Variants in ABCA5 observed in about 807,000 individuals in gnomAD.
ABCA5 encodes ATP binding cassette subfamily A member 5, also known as cholesterol transporter ABCA5.
Under a neutral mutation model 206.0 loss-of-function variants are expected in ABCA5, and 163 were observed. The ratio of observed to expected loss-of-function variants is 0.79; its 90% CI spans 0.70 to 0.90. The LOEUF (loss-of-function observed/expected upper bound fraction) is 0.90. Among genes scored for constraint, ABCA5 ranks in the 40% least tolerant of loss-of-function variants. The pLI is 0.00. For synonymous variants in ABCA5, 609 were observed against 613.8 expected, an observed-to-expected ratio of 0.99 and a Z score of 0.11; for missense variants, 1,859 against 1,912.9, an observed-to-expected ratio of 0.97 and a Z score of 0.53.
intron 1 of ABCA5, chr17:69,318,764 A>C: frequency 1.5e-6 from 1 of 670,510 alleles, no homozygotes; most frequent in African/African-American, 1.8e-5. Context: ...GAGTTGAAAA[A>C]ATTGATGGAC....
intron 1 of ABCA5, among the ~76,000 whole-genome samples, chr17:69,324,442 C>G (rs942535256): frequency 1.3e-5 from 2 of 152,180 alleles, no homozygotes; most frequent in Non-Finnish European, 2.9e-5. Context: ...CTAGATAACA[C>G]GGTAAAGGCA....
intron 18 of ABCA5, among the ~76,000 whole-genome samples, chr17:69,281,023 A>G (rs2075386126): frequency 6.6e-6 from 1 of 151,410 alleles, no homozygotes; most frequent in African/African-American, 2.4e-5. Flanking sequence ...TCTAAAACTT[A>G]AAGTATAATA....
chr17:69,248,439 C>A, intron 37 of ABCA5, 122 bp from the exon 38 acceptor site: 1 of 580,096 alleles, frequency 1.7e-6, no homozygotes, highest in Non-Finnish European at 3.1e-6. Context: ...TTTGAAGCTG[C>A]CAAAACATGT....
intron 18 of ABCA5, among the ~76,000 whole-genome samples, chr17:69,281,367 A>C (rs956196202): frequency 6.6e-6 from 1 of 152,030 alleles, no homozygotes; most frequent in Non-Finnish European, 1.5e-5. Context: ...ATTAAAACAA[A>C]TTTGGGAGAC....
rs575990390 is a variant in ABCA5 at position 69,281,047 on chromosome 17, A to T, written c.2392+2906T>A. On this transcript the variant is annotated intron_variant, in intron 18 of 38. Transcript: ENST00000392676. The stretch of plus-strand genomic sequence containing the variant: ...TAAAGTATAATAATAAAAAAAAATA[A>T]AAATAAATAAATAAAAAAATAAAAT... Among the ~76,000 whole-genome samples, 1,147 of 140,930 alleles carry T rather than the reference A, an allele frequency of 8.1e-3. 14 individuals are homozygous for T. Among genetic ancestry groups the T allele is most frequent in the African/African-American group, 0.022 (893 of 40,736 alleles). 92.5% of individuals were successfully genotyped at this position (140,930 alleles called of 152,430 possible).
chr17:69,296,112 G>T (rs2075581125), intron 10 of ABCA5, among the ~76,000 whole-genome samples: 1 of 151,946 alleles, frequency 6.6e-6, no homozygotes, highest in Admixed American at 6.6e-5. Flanking sequence ...TCAGTGAAGG[G>T]GGATATAAAC....
At chr17:69,279,322 C>G (rs1006921788) in intron 18 of ABCA5, among the ~76,000 whole-genome samples, 3 of 152,068 alleles carry the variant, frequency 2.0e-5, no homozygotes, top group Non-Finnish European at 2.9e-5. Context: ...ATCCAACTTA[C>G]GAGGGATGTG....
intron 18 of ABCA5, among the ~76,000 whole-genome samples, chr17:69,279,196 T>A (rs1376849107): frequency 2.6e-5 from 4 of 152,200 alleles, no homozygotes; most frequent in African/African-American, 9.6e-5. Flanking sequence ...AGTCTCAGGA[T>A]ACAAAATCAA....
chr17:69,294,778 C>A, intron 10 of ABCA5, 65 bp from the exon 11 acceptor site: 2 of 1,051,680 alleles, frequency 1.9e-6, no homozygotes, highest in South Asian at 1.6e-5. Context: ...GTTTATTTAC[C>A]ATGCATATTT....
At chr17:69,288,476 A>C (rs1057026967) in intron 14 of ABCA5, among the ~76,000 whole-genome samples, 9 of 152,164 alleles carry the variant, frequency 5.9e-5, no homozygotes, top group Admixed American at 4.6e-4. Flanking sequence ...AATATTTTTT[A>C]AACTATAGAG....
In ABCA5 at chr17:69,264,852, C is replaced by T; in HGVS notation, c.3198G>A (p.Trp1066Ter). Residue 1066 changes from tryptophan (W) to a stop codon, truncating the protein, a stop_gained, in exon 24 of 39, where the codon TGG becomes TGA. Coordinates refer to ENST00000392676, the MANE Select transcript of ABCA5 (RefSeq NM_172232.4). LOFTEE classifies it high-confidence loss of function. ...KLSGLLPSAY[W>*]IGQAVVDIPL... is the part of the protein sequence containing the mutation. ...GGATATCAACAACAGCTTGTCCAAT[C>T]CAATATGCAGATGGCAAAAGACCTG... 1 of 1,587,616 alleles carries T rather than the reference C, an allele frequency of 6.3e-7. No individual in the cohort carries two copies. The highest frequency in any genetic ancestry group is 8.6e-7 in the Non-Finnish European group (1 of 1,168,146).
rs144975147 is a variant in ABCA5 at position 69,254,337 on chromosome 17, C to T, written c.4222G>A (p.Asp1408Asn). Reference protein sequence around the residue: ...YGAVKGMSASDMKEVISRITH... With the variant: ...YGAVKGMSASNMKEVISRITH... The stretch of plus-strand genomic sequence containing the variant: ...TACCGACTTATGACTTCTTTCATGT[C>T]ACTTGCACTCATTCCTTTGACAGCT... Residue 1408 changes from aspartate (D) to asparagine (N), a missense_variant, in exon 32 of 39, where the codon GAC becomes AAC. Physicochemically the swap from Asp to Asn is conservative, Grantham distance 23. Coordinates refer to ENST00000392676, the MANE Select transcript of ABCA5 (RefSeq NM_172232.4). 1.9e-6 allele frequency: 3 copies of T among 1,612,318 alleles called. No homozygotes were observed. The African/African-American group carries it at 4.0e-5, about 22-fold the overall frequency.
chr17:69,273,440 T>TAAC (rs1337729480), intron 20 of ABCA5, among the ~76,000 whole-genome samples: 1 of 143,240 alleles, frequency 7.0e-6, no homozygotes, highest in Non-Finnish European at 1.5e-5. Context: ...AGTATAAATT[T>TAAC]TTTTAACTAT....
rs1388997266 is a variant in ABCA5, at chr17:69,277,767, A to C, written c.2468T>G (p.Leu823Ter). The C allele has an allele frequency of 1.2e-6, 2 of 1,606,228 alleles. No homozygotes were observed. The highest frequency in any genetic ancestry group is 1.7e-6 in the Non-Finnish European group (2 of 1,177,460). ...SKSFDEMEQS[L>*]LILSETKAAL... ...AGCCTTGGTTTCAGAAAGAATAAGTAAGCTCTGTTCCATTTCATCAAAAGA... is the reference window on the plus strand; with the variant it reads ...AGCCTTGGTTTCAGAAAGAATAAGTCAGCTCTGTTCCATTTCATCAAAAGA... Residue 823 changes from leucine to a stop codon, truncating the protein, a stop_gained, in exon 19 of 39, where the codon TTA (leucine) becomes TGA (stop). Transcript: ENST00000392676. LOFTEE classifies it high-confidence loss of function.
chr17:69,318,642 A>C (rs1219864323), intron 1 of ABCA5: 9 of 347,828 alleles, frequency 2.6e-5, no homozygotes, highest in Non-Finnish European at 4.7e-5. Context: ...AAAAACAGCA[A>C]AACAAAAGCA....
chr17:69,281,830 T>C (rs1331847064), intron 18 of ABCA5, among the ~76,000 whole-genome samples: 1 of 152,220 alleles, frequency 6.6e-6, no homozygotes, highest in African/African-American at 2.4e-5. Context: ...TTCATGATGA[T>C]ATATTCAGCT....
chr17:69,264,654 T>C (rs1444977220), intron 24 of ABCA5, 81 bp downstream of exon 24: 2 of 1,009,970 alleles, frequency 2.0e-6, no homozygotes, highest in Non-Finnish European at 2.7e-6. Flanking sequence ...AATTATGCAA[T>C]AAGTCAACTG....
At chr17:69,309,236 T>C in intron 4 of ABCA5, 26 bp downstream of exon 4, 1 of 1,502,224 alleles carries the variant, frequency 6.7e-7, no homozygotes, top group African/African-American at 1.4e-5. Flanking sequence ...TTAATTGATC[T>C]TCAATGATTA....
intron 18 of ABCA5, among the ~76,000 whole-genome samples, chr17:69,282,977 TC>T (rs2075411589): frequency 6.9e-6 from 1 of 145,436 alleles, no homozygotes; most frequent in East Asian, 2.1e-4. Context: ...ATCTGTTCTT[TC>T]CCTTTTTTTT....
Sources: allele counts gnomAD v4.1 joint callset (sites outside exome capture counted in the v4.1 genomes callset), GRCh38; gene constraint gnomAD v4.1.1; transcripts MANE v1.5; gene names NCBI Gene and HGNC (gene_info 2026-07-23, HGNC 2026-07-21).